ATXN7L1: variants seen among roughly 807,000 people sequenced by gnomAD.
The protein encoded by ATXN7L1 is ataxin-7-like protein 1.
In ATXN7L1, 15 loss-of-function variants were observed where a neutral mutation model predicts 70.8. The observed-to-expected ratio is 0.21, with a 90% CI of 0.14 to 0.33. The LOEUF is 0.33. Ranked by LOEUF, ATXN7L1 falls within the 10% of genes least tolerant of loss-of-function variation. The pLI is 1.00. For synonymous variants in ATXN7L1, 440 were observed against 445.1 expected, an observed-to-expected ratio of 0.99 and a Z score of 0.14; for missense variants, 975 against 1,097.1, an observed-to-expected ratio of 0.89 and a Z score of 1.57.
At chr7:105,733,932 T>TCATCCATCCATC (rs76828507) in intron 3 of ATXN7L1, among the ~76,000 whole-genome samples, 3 of 96,666 alleles carry the variant, frequency 3.1e-5, no homozygotes, top group East Asian at 3.6e-4. Context: ...CCATCATCCA[T>TCATCCATCCATC]CATCCATCCA....
At chr7:105,771,282 T>C (rs921402497) in intron 3 of ATXN7L1, among the ~76,000 whole-genome samples, 2 of 151,660 alleles carry the variant, frequency 1.3e-5, no homozygotes, top group African/African-American at 4.8e-5. Context: ...TTTTACAAGA[T>C]TTTTTGGACG....
chr7:105,824,830 G>T (rs887435334), intron 2 of ATXN7L1, among the ~76,000 whole-genome samples: 1 of 151,376 alleles, frequency 6.6e-6, no homozygotes, highest in Non-Finnish European at 1.5e-5. Flanking sequence ...ACCTCCATGG[G>T]TGTGAACCTG....
At chr7:105,839,338 C>G (rs1271654759) in intron 2 of ATXN7L1, among the ~76,000 whole-genome samples, 1 of 152,198 alleles carries the variant, frequency 6.6e-6, no homozygotes, top group Non-Finnish European at 1.5e-5. Context: ...CCTAAACACT[C>G]CAAATCCAAC....
intron 2 of ATXN7L1, among the ~76,000 whole-genome samples, chr7:105,846,630 G>C (rs1814087287): frequency 6.6e-6 from 1 of 152,162 alleles, no homozygotes; most frequent in Non-Finnish European, 1.5e-5. Context: ...ATACCCAAGA[G>C]AAAACATATG....
At chr7:105,790,878 C>A (rs1805127099) in intron 2 of ATXN7L1, among the ~76,000 whole-genome samples, 1 of 152,092 alleles carries the variant, frequency 6.6e-6, no homozygotes, top group African/African-American at 2.4e-5. Flanking sequence ...AGGAATTAAA[C>A]CTCCTCTGGT....
At chr7:105,725,688 C>T (rs1313539462) in intron 3 of ATXN7L1, among the ~76,000 whole-genome samples, 1 of 150,736 alleles carries the variant, frequency 6.6e-6, no homozygotes, top group Non-Finnish European at 1.5e-5. Context: ...TCAAGTGATT[C>T]TCGTGTTTCA....
At chr7:105,746,541 G>A (rs967125547) in intron 3 of ATXN7L1, among the ~76,000 whole-genome samples, 7 of 152,084 alleles carry the variant, frequency 4.6e-5, no homozygotes, top group African/African-American at 1.7e-4. Context: ...AGACCCTCTC[G>A]CTGACTGCAC....
intron 2 of ATXN7L1, among the ~76,000 whole-genome samples, chr7:105,837,829 C>T (rs1224065218): frequency 2.0e-5 from 3 of 152,128 alleles, no homozygotes; most frequent in African/African-American, 7.2e-5. Flanking sequence ...GCGGAGGCCT[C>T]CGTGAGACAA....
intron 2 of ATXN7L1, among the ~76,000 whole-genome samples, chr7:105,861,191 A>G (rs1816583282): frequency 6.6e-6 from 1 of 152,142 alleles, no homozygotes; most frequent in African/African-American, 2.4e-5. Context: ...TGCAAAGGGC[A>G]GGCCACCTGT....
chr7:105,624,520 C>T (rs539732781), intron 7 of ATXN7L1, among the ~76,000 whole-genome samples: 4 of 151,898 alleles, frequency 2.6e-5, no homozygotes, highest in Non-Finnish European at 4.4e-5. Context: ...CATGGTGGCG[C>T]GTGCCTGTAG....
chr7:105,845,961 A>G (rs551374412), intron 2 of ATXN7L1, among the ~76,000 whole-genome samples: 98 of 152,334 alleles, frequency 6.4e-4, no homozygotes, highest in Non-Finnish European at 1.2e-3. Context: ...AAAACATAGG[A>G]GCAAATCTTG....
At chr7:105,639,796 T>C (rs1205834226) in intron 5 of ATXN7L1, among the ~76,000 whole-genome samples, 1 of 152,190 alleles carries the variant, frequency 6.6e-6, no homozygotes, top group African/African-American at 2.4e-5. Flanking sequence ...TTCCCAAGTC[T>C]AGCTTCGGCA....
intron 8 of ATXN7L1, 102 bp downstream of exon 8, chr7:105,623,973 A>G: frequency 9.0e-7 from 1 of 1,105,630 alleles, no homozygotes. Context: ...AACACTGCGC[A>G]GGCAGCCTTG....
At chr7:105,785,159 A>G (rs1438966351) in intron 3 of ATXN7L1, among the ~76,000 whole-genome samples, 1 of 152,218 alleles carries the variant, frequency 6.6e-6, no homozygotes, top group African/African-American at 2.4e-5. Context: ...GGCTGTTGAA[A>G]AGATTACATG....
At chr7:105,755,075 A>G (rs964552479) in intron 3 of ATXN7L1, among the ~76,000 whole-genome samples, 4 of 151,992 alleles carry the variant, frequency 2.6e-5, no homozygotes, top group Admixed American at 2.0e-4. Context: ...ACTCCCAGCA[A>G]CCTCTTTTTT....
chr7:105,819,445 T>TAA (rs369266871), intron 2 of ATXN7L1: 220 of 556,190 alleles, frequency 4.0e-4, no homozygotes, highest in Middle Eastern at 8.5e-4. Context: ...ATTTGGGATT[T>TAA]AAAAAAAAAA....
chr7:105,640,059 C>T (rs369538114), intron 5 of ATXN7L1, among the ~76,000 whole-genome samples: 5 of 152,178 alleles, frequency 3.3e-5, no homozygotes, highest in African/African-American at 9.7e-5. Flanking sequence ...TAGTTTTAGC[C>T]ATGTAAATGG....
chr7:105,867,955 A>C lies in ATXN7L1; in HGVS notation c.250+7857T>G, dbSNP rs559111888. Among the ~76,000 whole-genome samples the C allele has an allele frequency of 1.4e-3, 220 of 152,328 alleles. 1 individual carries two copies. The highest frequency in any genetic ancestry group is 2.6e-3 in the Non-Finnish European group (179 of 68,024). ...TACACAGGACAGCGCCCCCAAAAAG[A>C]AGCATCTGGCTCAAACCATCAGTGG... On this transcript the variant is annotated intron_variant, in intron 2 of 11. Transcript: ENST00000419735.
At chr7:105,733,776 AC>A (rs1797001680) in intron 3 of ATXN7L1, among the ~76,000 whole-genome samples, 1 of 49,552 alleles carries the variant, frequency 2.0e-5, no homozygotes, top group Non-Finnish European at 4.4e-5. Context: ...CCATCCGTCC[AC>A]CCATCCATCC....
Sources: gnomAD v4.1 joint callset for allele counts (sites outside exome capture counted in the v4.1 genomes callset) on GRCh38, gnomAD v4.1.1 for gene constraint, MANE v1.5 for transcripts, NCBI Gene and HGNC (gene_info 2026-07-23, HGNC 2026-07-21) for gene names.